PTPN13: variants seen among roughly 807,000 people sequenced by gnomAD.
PTPN13 encodes protein tyrosine phosphatase non-receptor type 13, also known as tyrosine-protein phosphatase non-receptor type 13.
PTPN13 carries 191 observed loss-of-function variants against 284.0 expected under a neutral mutation model. That is an observed-to-expected ratio of 0.67 (90% CI 0.60 to 0.76). PTPN13 has a LOEUF of 0.76. Among genes scored for constraint, PTPN13 ranks in the 30% least tolerant of loss-of-function variants. PTPN13 has a pLI of 0.00. For synonymous variants in PTPN13, 986 were observed against 1,022.3 expected (o/e 0.96, Z 0.68); for missense variants, 2,797 against 2,939.9 (o/e 0.95, Z 1.12).
intron 1 of PTPN13, among the ~76,000 whole-genome samples, chr4:86,629,937 CATT>C (rs1480738784): frequency 6.6e-6 from 1 of 151,872 alleles, no homozygotes; most frequent in African/African-American, 2.4e-5. Flanking sequence ...TTTTAAAAAG[CATT>C]ATTATATATA....
intron 6 of PTPN13, among the ~76,000 whole-genome samples, chr4:86,699,968 T>G (rs1406079874): frequency 6.6e-6 from 1 of 152,206 alleles, no homozygotes; most frequent in Non-Finnish European, 1.5e-5. Context: ...GTATGGTATA[T>G]TTCTTGGTGT....
At chr4:86,793,893 G>A (rs1251890941) in intron 40 of PTPN13, among the ~76,000 whole-genome samples, 1 of 144,628 alleles carries the variant, frequency 6.9e-6, no homozygotes, top group Non-Finnish European at 1.5e-5. Flanking sequence ...ATCCCCACAA[G>A]AGAAAGAAGG....
chr4:86,770,099 A>G lies in PTPN13; in HGVS notation c.4705-2A>G, dbSNP rs757779159. ...TTCATTTGTCATTCATGGTACCCCCAGGAAGTCATATCTGCTCTCAGGGGA... is the reference window on the plus strand; with the variant it reads ...TTCATTTGTCATTCATGGTACCCCCGGGAAGTCATATCTGCTCTCAGGGGA... On this transcript the variant is annotated splice_acceptor_variant, in intron 29 of 47. Coordinates refer to ENST00000411767, the MANE Select transcript of PTPN13 (RefSeq NM_080683.3). LOFTEE classifies it high-confidence loss of function. 3 of 1,613,248 alleles carry G rather than the reference A, an allele frequency of 1.9e-6. No homozygotes were observed. The African/African-American group carries it at 4.0e-5, about 22-fold the overall frequency.
intron 9 of PTPN13, among the ~76,000 whole-genome samples, chr4:86,719,592 C>G (rs773552109): frequency 7.9e-5 from 12 of 152,194 alleles, no homozygotes; most frequent in Non-Finnish European, 1.5e-4. Flanking sequence ...GCTCTCCCAA[C>G]AGTGTGTAAG....
intron 1 of PTPN13, among the ~76,000 whole-genome samples, chr4:86,633,030 T>G (rs1172537385): frequency 2.0e-5 from 3 of 152,084 alleles, no homozygotes; most frequent in African/African-American, 7.2e-5. Context: ...GGTTTTGAAC[T>G]TCTGGCCTGA....
intron 2 of PTPN13, among the ~76,000 whole-genome samples, chr4:86,643,666 A>G (rs1724079331): frequency 6.6e-6 from 1 of 152,164 alleles, no homozygotes; most frequent in Non-Finnish European, 1.5e-5. Flanking sequence ...ACCTACATAT[A>G]CTCAGAACCA....
chr4:86,649,055 C>T lies in PTPN13; in HGVS notation c.115+13684C>T, dbSNP rs187219207. Among the ~76,000 whole-genome samples the T allele has an allele frequency of 7.6e-4, 115 of 152,150 alleles. 1 individual carries two copies. In the Middle Eastern group the frequency reaches 0.01, roughly 14 times the overall value. Reference sequence around the variant, plus strand: ...GAAATGTCTATTCAGATCCTTTGCCCGCTTTTTAATGGGATTATTTGTTTT... The same window carrying T: ...GAAATGTCTATTCAGATCCTTTGCCTGCTTTTTAATGGGATTATTTGTTTT... On this transcript the variant is annotated intron_variant, in intron 2 of 47. Transcript: ENST00000411767.
At chr4:86,731,553 G>T (rs775516641) in intron 10 of PTPN13, among the ~76,000 whole-genome samples, 61 of 152,310 alleles carry the variant, frequency 4.0e-4, no homozygotes, top group Non-Finnish European at 6.8e-4. Context: ...GTGTCATAGG[G>T]TTCCAAGATA....
At chr4:86,625,608 A>G (rs1427936468) in intron 1 of PTPN13, among the ~76,000 whole-genome samples, 1 of 152,064 alleles carries the variant, frequency 6.6e-6, no homozygotes, top group Non-Finnish European at 1.5e-5. Flanking sequence ...GTACCACACC[A>G]CACCTATTCA....
chr4:86,714,459 A>G (rs941912306), intron 7 of PTPN13, among the ~76,000 whole-genome samples: 11 of 151,736 alleles, frequency 7.2e-5, no homozygotes, highest in African/African-American at 2.7e-4. Context: ...TTTTCCCACT[A>G]CCATTTGCAA....
intron 42 of PTPN13, among the ~76,000 whole-genome samples, chr4:86,800,921 C>G (rs867437484): frequency 6.6e-6 from 1 of 152,270 alleles, no homozygotes; most frequent in Non-Finnish European, 1.5e-5. Context: ...CCCAGCCAAC[C>G]TCTGCCCGAG....
At chr4:86,602,443 G>A (rs536192581) in intron 1 of PTPN13, among the ~76,000 whole-genome samples, 21 of 152,068 alleles carry the variant, frequency 1.4e-4, no homozygotes, top group Non-Finnish European at 2.5e-4. Context: ...ATAAATATTA[G>A]CTATTATTAT....
Position 86,799,130 on chromosome 4 carries a change from C to T in PTPN13, c.6431C>T (p.Thr2144Ile), listed in dbSNP as rs866492414. ...ATTCAGAAGCCACAAGAAAAGAAGACTGATGATGATGAAATAACATGGGGA... is the reference window on the plus strand; with the variant it reads ...ATTCAGAAGCCACAAGAAAAGAAGATTGATGATGATGAAATAACATGGGGA... ...SLIQKPQEKK[T>I]DDDEITWGND... is the part of the protein sequence containing the mutation. Residue 2144 changes from threonine to isoleucine, a missense_variant, in exon 42 of 48, where the codon ACT becomes ATT. Coordinates refer to ENST00000411767, the MANE Select transcript of PTPN13 (RefSeq NM_080683.3). 1.0e-5 allele frequency: 16 copies of T among 1,589,450 alleles called. No individual in the cohort carries two copies. The Middle Eastern group carries it at 8.3e-4, about 82-fold the overall frequency.
chr4:86,682,156 G>A (rs924172519), intron 3 of PTPN13, among the ~76,000 whole-genome samples: 2 of 152,102 alleles, frequency 1.3e-5, no homozygotes, highest in Non-Finnish European at 2.9e-5. Flanking sequence ...TGACTAAATG[G>A]GTAGTTGTCT....
intron 3 of PTPN13, among the ~76,000 whole-genome samples, chr4:86,685,380 G>A (rs1159942291): frequency 1.3e-5 from 2 of 152,282 alleles, no homozygotes; most frequent in East Asian, 1.9e-4. Flanking sequence ...AAGCCAAGGC[G>A]GGAGGATCTC....
At chr4:86,785,413 A>G (rs760659652) in intron 39 of PTPN13, 45 bp downstream of exon 39, 2 of 1,486,416 alleles carry the variant, frequency 1.3e-6, no homozygotes, top group Admixed American at 4.3e-5. Context: ...GGAGTACAAA[A>G]ACGTCTCTAG....
Position 86,734,740 on chromosome 4 carries a change from T to A in PTPN13, c.2016T>A (p.His672Gln), listed in dbSNP as rs541581847. The change falls in exon 14 of 48, where the codon CAT (histidine) becomes CAA (glutamine). Residue 672 changes from histidine (H) to glutamine (Q), a missense_variant. His to Gln is a conservative substitution (Grantham distance 24, BLOSUM62 0). Transcript: ENST00000411767. ...CTGTGTGTGTTTGTTTTTTCAGACA[T>A]ACTCTGACGTGTCATCAGTATTACC... ...FFMDDVSLIQHTLTCHQYYLQ... is the reference protein window; with the variant it reads ...FFMDDVSLIQQTLTCHQYYLQ... The A allele has an allele frequency of 6.2e-7, 1 of 1,607,660 alleles. No individual in the cohort carries two copies. Among genetic ancestry groups the A allele is most frequent in the South Asian group, 1.1e-5 (1 of 90,376 alleles).
chr4:86,813,439 T>G (rs1040354485), intron 47 of PTPN13, among the ~76,000 whole-genome samples: 2 of 152,222 alleles, frequency 1.3e-5, no homozygotes, highest in African/African-American at 4.8e-5. Context: ...ACTTATTTTT[T>G]GGTTTGTTTG....
At chr4:86,600,301 C>T (rs1412199084) in intron 1 of PTPN13, among the ~76,000 whole-genome samples, 1 of 151,978 alleles carries the variant, frequency 6.6e-6, no homozygotes, top group African/African-American at 2.4e-5. Context: ...CCTCCTTACA[C>T]ACCTAGAAAA....
Sources: gnomAD v4.1 joint callset for allele counts (sites outside exome capture counted in the v4.1 genomes callset) on GRCh38, gnomAD v4.1.1 for gene constraint, MANE v1.5 for transcripts, NCBI Gene and HGNC (gene_info 2026-07-23, HGNC 2026-07-21) for gene names.